FRMD4A: variants seen among roughly 807,000 people sequenced by gnomAD.
FRMD4A encodes the protein FERM domain-containing protein 4A.
FRMD4A carries 29 observed loss-of-function variants against 129.1 expected under a neutral mutation model. The observed-to-expected ratio is 0.22, with a 90% confidence interval of 0.17 to 0.31. The LOEUF (loss-of-function observed/expected upper bound fraction) is 0.31, where lower values mean the gene tolerates loss of function less well. Among genes scored for constraint, FRMD4A ranks in the 10% least tolerant of loss-of-function variants. The probability of loss-of-function intolerance (pLI) is 1.00; values close to 1 mark genes in which losing one functional copy is unlikely to be tolerated. For missense variants in FRMD4A, 1,272 were observed against 1,375.8 expected, an observed-to-expected ratio of 0.92 and a Z score of 1.19; for synonymous variants, 634 against 571.6, an observed-to-expected ratio of 1.11 and a Z score of -1.56.
intron 11 of FRMD4A, 63 bp from the exon 12 acceptor site, chr10:13,737,993 G>T: frequency 1.1e-6 from 1 of 913,752 alleles, no homozygotes; most frequent in African/African-American, 1.6e-5. Flanking sequence ...ACGCAAAGTG[G>T]AGATTTCCTG....
intron 2 of FRMD4A, among the ~76,000 whole-genome samples, chr10:14,231,018 T>A (rs1002969635): frequency 2.0e-5 from 3 of 152,220 alleles, no homozygotes; most frequent in Admixed American, 6.5e-5. Context: ...CCATGTTTCT[T>A]TATCCAGATG....
At chr10:13,660,829 C>T (rs10796107) in intron 19 of FRMD4A, among the ~76,000 whole-genome samples, 121,636 of 152,184 alleles carry the variant, frequency 0.8, 48,900 homozygotes, top group East Asian at 0.85. Context: ...GAAGTCTGAA[C>T]GTCATTAAAT....
intron 3 of FRMD4A, among the ~76,000 whole-genome samples, chr10:13,818,134 G>A (rs1317758030): frequency 6.6e-6 from 1 of 152,092 alleles, no homozygotes; most frequent in East Asian, 1.9e-4. Flanking sequence ...ACCATAAAAA[G>A]AATTCCTATA....
At chr10:14,010,474 C>A (rs2131634445) in intron 2 of FRMD4A, among the ~76,000 whole-genome samples, 1 of 152,190 alleles carries the variant, frequency 6.6e-6, no homozygotes, top group South Asian at 2.1e-4. Context: ...GGAGAAGGAT[C>A]ACTTTTCATA....
intron 2 of FRMD4A, among the ~76,000 whole-genome samples, chr10:14,086,251 T>TA (rs993657307): frequency 5.3e-5 from 8 of 152,210 alleles, no homozygotes; most frequent in East Asian, 1.9e-4. Flanking sequence ...ACCCTGGTAA[T>TA]AAAAAAAATC....
intron 2 of FRMD4A, among the ~76,000 whole-genome samples, chr10:14,104,566 C>A (rs948707650): frequency 6.6e-6 from 1 of 152,188 alleles, no homozygotes; most frequent in Non-Finnish European, 1.5e-5. Flanking sequence ...ACGGTGGCCC[C>A]GCTCAGTGGC....
chr10:14,216,731 C>A (rs1344707851), intron 2 of FRMD4A, among the ~76,000 whole-genome samples: 2 of 152,026 alleles, frequency 1.3e-5, no homozygotes, highest in East Asian at 3.9e-4. Context: ...CAGAACCTCT[C>A]TTTGTTTTTC....
In FRMD4A at chr10:14,164,895, T is replaced by C. The variant is rs570149564; in HGVS notation, c.45+165163A>G. The stretch of plus-strand genomic sequence containing the variant: ...CATGGACCTTCATTTTTTTCTCTTT[T>C]GCTCATCACCTATTGTTGATGTTAG... On this transcript the variant is annotated intron_variant, in intron 2 of 24. Transcript: ENST00000357447. Among the ~76,000 whole-genome samples, 28 of 152,354 alleles carry C rather than the reference T, an allele frequency of 1.8e-4. No homozygotes were observed. In the East Asian group the frequency reaches 4.4e-3, roughly 24 times the overall value.
chr10:13,744,622 A>G (rs1221845692), intron 9 of FRMD4A: 1 of 152,224 alleles, frequency 6.6e-6, no homozygotes, highest in Non-Finnish European at 1.5e-5. Flanking sequence ...CTTGGTTACC[A>G]GGCTGCAGCC....
intron 2 of FRMD4A, among the ~76,000 whole-genome samples, chr10:14,288,772 C>T (rs991360531): frequency 1.1e-4 from 17 of 152,026 alleles, no homozygotes; most frequent in African/African-American, 1.9e-4. Context: ...TAAACAGCAA[C>T]GCCCCATTTC....
chr10:14,301,004 AGGAGGGAT>A (rs966850272), intron 2 of FRMD4A, among the ~76,000 whole-genome samples: 5 of 152,198 alleles, frequency 3.3e-5, no homozygotes, highest in African/African-American at 1.2e-4. Flanking sequence ...TCTAACCTCC[AGGAGGGAT>A]GGAGAATAAA....
chr10:13,891,869 G>T (rs993739945), intron 2 of FRMD4A: 11 of 405,130 alleles, frequency 2.7e-5, no homozygotes, highest in African/African-American at 2.4e-4. Flanking sequence ...CCCCGCCGCC[G>T]GCCCGCCCCT....
Position 13,660,373 on chromosome 10 carries a change from GACTC to G in FRMD4A, c.1837_1840del (p.Glu613ProfsTer3). Reference sequence around the variant, plus strand: ...CTTCTCATAGGGTTCATCTAAAGAGGACTCACTCCACATTTTGGGCTTGATGGGT... The same window carrying G: ...CTTCTCATAGGGTTCATCTAAAGAGGACTCCACATTTTGGGCTTGATGGGT... On this transcript the variant is annotated frameshift_variant, in exon 20 of 25. Transcript: ENST00000357447. LOFTEE classifies it high-confidence loss of function. The G allele has an allele frequency of 6.2e-7, 1 of 1,614,084 alleles. No homozygotes were observed. The highest frequency in any genetic ancestry group is 8.5e-7 in the Non-Finnish European group (1 of 1,179,950).
intron 2 of FRMD4A, among the ~76,000 whole-genome samples, chr10:14,309,394 G>T (rs1395118401): frequency 6.6e-6 from 1 of 152,098 alleles, no homozygotes; most frequent in African/African-American, 2.4e-5. Context: ...AGGCTGCAGT[G>T]AGCTGTCATC....
chr10:13,706,461 T>A (rs990131527), intron 13 of FRMD4A, among the ~76,000 whole-genome samples: 2 of 152,070 alleles, frequency 1.3e-5, no homozygotes, highest in Non-Finnish European at 2.9e-5. Flanking sequence ...CTCTCTGGGG[T>A]ACGATTTTGG....
At chr10:13,858,783 G>T in intron 3 of FRMD4A, 64 bp downstream of exon 3, 1 of 909,686 alleles carries the variant, frequency 1.1e-6, no homozygotes, top group Non-Finnish European at 1.9e-6. Flanking sequence ...TCCCCAGCTG[G>T]ATCAAGGTCT....
chr10:13,685,107 C>T (rs2084953236), intron 15 of FRMD4A: 2 of 984,502 alleles, frequency 2.0e-6, no homozygotes, highest in Admixed American at 6.1e-5. Flanking sequence ...ATAAACGTGT[C>T]ATCTCTGGGG....
At chr10:13,813,071 C>A (rs2093476390) in intron 3 of FRMD4A, among the ~76,000 whole-genome samples, 1 of 152,226 alleles carries the variant, frequency 6.6e-6, no homozygotes, top group Non-Finnish European at 1.5e-5. Context: ...AGCTCCACCC[C>A]CAGGAAGTAT....
chr10:13,866,962 C>A (rs2094375465), intron 2 of FRMD4A, among the ~76,000 whole-genome samples: 1 of 152,026 alleles, frequency 6.6e-6, no homozygotes, highest in Admixed American at 6.6e-5. Context: ...AACAAACAAT[C>A]AAAAAAATTA....
Sources: allele counts gnomAD v4.1 joint callset (sites outside exome capture counted in the v4.1 genomes callset), GRCh38; gene constraint gnomAD v4.1.1; transcripts MANE v1.5; gene names NCBI Gene and HGNC (gene_info 2026-07-23, HGNC 2026-07-21).